The following MYO3B variants were observed in gnomAD, a reference collection of about 807,000 sequenced individuals.
The protein encoded by MYO3B is myosin IIIB.
A neutral mutation model predicts 174.6 loss-of-function variants in MYO3B; 156 were observed. The ratio of observed to expected loss-of-function variants is 0.89; its 90% CI spans 0.78 to 1.02. The LOEUF (loss-of-function observed/expected upper bound fraction) is 1.02. Among genes scored for constraint, MYO3B ranks in the 50% least tolerant of loss-of-function variants. The probability of loss-of-function intolerance (pLI) is 0.00; values close to 1 mark genes in which losing one functional copy is unlikely to be tolerated. For synonymous variants in MYO3B, 563 were observed against 569.1 expected, an observed-to-expected ratio of 0.99 and a Z score of 0.15; for missense variants, 1,632 against 1,639.4, an observed-to-expected ratio of 1.00 and a Z score of 0.08.
At chr2:170,450,918 C>T (rs1281613273) in intron 23 of MYO3B, among the ~76,000 whole-genome samples, 1 of 152,104 alleles carries the variant, frequency 6.6e-6, no homozygotes, top group Non-Finnish European at 1.5e-5. Flanking sequence ...TAAACAATTC[C>T]CTTCAACTCT....
chr2:170,241,485 T>C (rs1270371947), intron 7 of MYO3B, among the ~76,000 whole-genome samples: 1 of 152,212 alleles, frequency 6.6e-6, no homozygotes, highest in Non-Finnish European at 1.5e-5. Context: ...CCTTAAACTT[T>C]GTTCGTCCAG....
In MYO3B at chr2:170,401,619, C is replaced by T. The variant is rs761317909; in HGVS notation, c.2057C>T (p.Ala686Val). 9 of 1,614,130 alleles carry T rather than the reference C, an allele frequency of 5.6e-6. No individual in the cohort carries two copies. The highest frequency in any genetic ancestry group is 2.2e-5 in the South Asian group (2 of 91,080). Residue 686 changes from alanine (A) to valine (V), a missense_variant, in exon 18 of 35, where the codon GCC (alanine) becomes GTC (valine). Transcript: ENST00000408978. ...AADVRDAMSKALYGRLFSWIV... is the reference protein window; with the variant it reads ...AADVRDAMSKVLYGRLFSWIV... ...GACGTTCGAGACGCCATGTCCAAAG[C>T]CCTGTATGGGAGGCTCTTCAGCTGG...
chr2:170,620,593 A>G (rs1695829280), intron 32 of MYO3B, among the ~76,000 whole-genome samples: 1 of 152,248 alleles, frequency 6.6e-6, no homozygotes, highest in Non-Finnish European at 1.5e-5. Context: ...AGACTTGATT[A>G]TTCACAAGAC....
At chr2:170,305,947 G>A (rs973251088) in intron 7 of MYO3B, among the ~76,000 whole-genome samples, 9 of 152,106 alleles carry the variant, frequency 5.9e-5, no homozygotes, top group African/African-American at 2.2e-4. Context: ...TAACTTTGGG[G>A]TCAGGAATCA....
chr2:170,313,592 C>A (rs1004752502), intron 7 of MYO3B, among the ~76,000 whole-genome samples: 1 of 152,156 alleles, frequency 6.6e-6, no homozygotes, highest in Non-Finnish European at 1.5e-5. Context: ...ATGCAGCCAG[C>A]CACCTGGACC....
intron 27 of MYO3B, among the ~76,000 whole-genome samples, chr2:170,500,905 A>C (rs1339268094): frequency 1.1e-5 from 1 of 89,786 alleles, no homozygotes; most frequent in African/African-American, 3.2e-5. Flanking sequence ...ATGTGTTATT[A>C]GTGTTACACA....
intron 30 of MYO3B, among the ~76,000 whole-genome samples, chr2:170,530,077 A>G (rs1449494034): frequency 6.6e-6 from 1 of 152,270 alleles, no homozygotes; most frequent in East Asian, 1.9e-4. Flanking sequence ...AGCTGTTAAC[A>G]GTAGTAATGC....
At chr2:170,356,751 T>A (rs2094124436) in intron 8 of MYO3B, among the ~76,000 whole-genome samples, 1 of 152,140 alleles carries the variant, frequency 6.6e-6, no homozygotes, top group Non-Finnish European at 1.5e-5. Flanking sequence ...ATTGCTGGTC[T>A]GTTTTATTTA....
At chr2:170,276,062 C>T (rs781366965) in intron 7 of MYO3B, among the ~76,000 whole-genome samples, 1 of 152,180 alleles carries the variant, frequency 6.6e-6, no homozygotes, top group African/African-American at 2.4e-5. Flanking sequence ...CTCCTGGAAG[C>T]AATCATTCGT....
chr2:170,378,411 A>C (rs139809048), intron 9 of MYO3B, among the ~76,000 whole-genome samples: 458 of 152,322 alleles, frequency 3.0e-3, no homozygotes, highest in Middle Eastern at 6.8e-3. Context: ...TAGATTGCCT[A>C]CTTCACTTTT....
At chr2:170,503,303 A>C (rs1020505630) in intron 28 of MYO3B, among the ~76,000 whole-genome samples, 11 of 152,236 alleles carry the variant, frequency 7.2e-5, no homozygotes, top group Non-Finnish European at 1.3e-4. Flanking sequence ...TGCCAAGTGA[A>C]TACTGCTGTA....
At chr2:170,414,497 T>C (rs1228045076) in intron 22 of MYO3B, among the ~76,000 whole-genome samples, 1 of 152,246 alleles carries the variant, frequency 6.6e-6, no homozygotes, top group African/African-American at 2.4e-5. Context: ...GTAGGAAATC[T>C]TAAAATCAGG....
chr2:170,262,784 C>T (rs2093355036), intron 7 of MYO3B, among the ~76,000 whole-genome samples: 1 of 152,152 alleles, frequency 6.6e-6, no homozygotes, highest in Non-Finnish European at 1.5e-5. Context: ...TTGCTCACTC[C>T]TTTGTGTATT....
At position 170,476,027 on chromosome 2, in the gene MYO3B, G is replaced by A. The variant is rs964076237; in HGVS notation, c.3014+9316G>A. 2.0e-5 allele frequency among the ~76,000 whole-genome samples: 3 copies of A among 152,108 alleles called. No homozygotes were observed. The East Asian group carries it at 5.8e-4, about 29-fold the overall frequency. On this transcript the variant is annotated intron_variant, in intron 25 of 34. Coordinates refer to ENST00000408978, the MANE Select transcript of MYO3B (RefSeq NM_138995.5). ...TGCTTTTCCCTGGGAGGTTAACTTTGATTATCCTACACATTCCTTTCCTTT... is the reference window on the plus strand; with the variant it reads ...TGCTTTTCCCTGGGAGGTTAACTTTAATTATCCTACACATTCCTTTCCTTT...
intron 28 of MYO3B, among the ~76,000 whole-genome samples, chr2:170,504,223 AT>A (rs776867090): frequency 4.6e-5 from 7 of 152,218 alleles, no homozygotes; most frequent in Non-Finnish European, 8.8e-5. Flanking sequence ...TTATTCTCTA[AT>A]TTATTATTTT....
intron 29 of MYO3B, among the ~76,000 whole-genome samples, chr2:170,517,353 G>A (rs533726425): frequency 7.2e-4 from 109 of 152,272 alleles, no homozygotes; most frequent in Non-Finnish European, 1.2e-3. Flanking sequence ...GTAGCTGGGG[G>A]CATTTGCTGA....
intron 32 of MYO3B, among the ~76,000 whole-genome samples, chr2:170,646,404 C>CT (rs925825192): frequency 6.0e-4 from 90 of 148,766 alleles, no homozygotes; most frequent in African/African-American, 2.0e-3. Flanking sequence ...GGGTTTTTTT[C>CT]TTTTTTTGGA....
chr2:170,528,694 CTG>C (rs1180055268), intron 30 of MYO3B, among the ~76,000 whole-genome samples: 2 of 152,228 alleles, frequency 1.3e-5, no homozygotes, highest in African/African-American at 2.4e-5. Flanking sequence ...GCATGAGAAA[CTG>C]TGCCCAGCCT....
chr2:170,589,028 G>T (rs1693661308), intron 32 of MYO3B, among the ~76,000 whole-genome samples: 1 of 152,076 alleles, frequency 6.6e-6, no homozygotes, highest in South Asian at 2.1e-4. Context: ...TGATTCCTGA[G>T]GAATTAACTA....
Sources: gnomAD v4.1 joint callset for allele counts (sites outside exome capture counted in the v4.1 genomes callset) on GRCh38, gnomAD v4.1.1 for gene constraint, MANE v1.5 for transcripts, NCBI Gene and HGNC (gene_info 2026-07-23, HGNC 2026-07-21) for gene names.